Variants in DNAH8 observed in about 807,000 individuals in gnomAD.
DNAH8 encodes the protein axonemal beta dynein heavy chain 8.
A neutral mutation model predicts 562.1 loss-of-function variants in DNAH8; 382 were observed. That is an observed-to-expected ratio of 0.68 (90% CI 0.63 to 0.74). The LOEUF is 0.74. DNAH8 is among the 30% of genes least tolerant of loss of function. DNAH8 has a pLI of 0.00. For synonymous variants in DNAH8, 1,881 were observed against 1,919.4 expected, an observed-to-expected ratio of 0.98 and a Z score of 0.52; for missense variants, 5,203 against 5,620.4, an observed-to-expected ratio of 0.93 and a Z score of 2.37.
intron 88 of DNAH8, among the ~76,000 whole-genome samples, chr6:38,995,416 T>C (rs528889601): frequency 6.6e-6 from 1 of 152,358 alleles, no homozygotes; most frequent in South Asian, 2.1e-4. Context: ...ATGTTATATT[T>C]GCTTTGTAAA....
intron 79 of DNAH8, among the ~76,000 whole-genome samples, chr6:38,940,379 T>C (rs978894959): frequency 2.0e-5 from 3 of 151,594 alleles, no homozygotes; most frequent in African/African-American, 7.3e-5. Context: ...GGAAGAGGAG[T>C]TGGTTTGAGG....
chr6:38,857,219 C>T (rs906756045), intron 41 of DNAH8, among the ~76,000 whole-genome samples: 3 of 152,154 alleles, frequency 2.0e-5, no homozygotes, highest in Admixed American at 1.3e-4. Flanking sequence ...AAAGAAAAAT[C>T]GTTGCATGGA....
intron 28 of DNAH8, among the ~76,000 whole-genome samples, chr6:38,824,913 G>T (rs1773178231): frequency 6.6e-6 from 1 of 152,122 alleles, no homozygotes; most frequent in African/African-American, 2.4e-5. Flanking sequence ...CAGAAACTAT[G>T]CATCAGTGGC....
chr6:38,799,937 A>T (rs1312788333), intron 21 of DNAH8, among the ~76,000 whole-genome samples: 1 of 152,184 alleles, frequency 6.6e-6, no homozygotes, highest in Non-Finnish European at 1.5e-5. Context: ...ATATATCAGA[A>T]CTTAATTTCT....
In DNAH8 at chr6:38,737,961, CAG is replaced by C; in HGVS notation, c.1107_1108del (p.Gln369HisfsTer7). 6.2e-7 allele frequency: 1 copy of C among 1,610,752 alleles called. No individual in the cohort carries two copies. Among genetic ancestry groups the C allele is most frequent in the South Asian group, 1.1e-5 (1 of 90,902 alleles). ...GGAAGTGCTGATGGTATGGTACAAA[CAG>C]ATCGAACAGGTGAATTGACTCAAAC... is the stretch of plus-strand genomic sequence containing the variant. Reference protein sequence around the residue: ...LEEVLMVWYKQIEQVLIESEQ... With the variant: ...LEEVLMVWYKXIEQVLIESEQ... On this transcript the variant is annotated frameshift_variant, in exon 7 of 93. Coordinates refer to ENST00000327475, the MANE Select transcript of DNAH8 (RefSeq NM_001206927.2). LOFTEE classifies it high-confidence loss of function.
chr6:38,770,651 T>G, intron 12 of DNAH8, 92 bp downstream of exon 12: 5 of 1,205,864 alleles, frequency 4.1e-6, no homozygotes, highest in Non-Finnish European at 5.6e-6. Flanking sequence ...TTATTGTTCC[T>G]GATCTCTTGT....
intron 15 of DNAH8, among the ~76,000 whole-genome samples, 185 bp from the exon 16 acceptor site, chr6:38,781,069 C>T (rs1429432928): frequency 2.0e-5 from 3 of 152,066 alleles, no homozygotes; most frequent in Admixed American, 6.5e-5. Flanking sequence ...AATTAAGTGT[C>T]GTATATGGTC....
chr6:38,910,267 T>C (rs1780789576), intron 65 of DNAH8, among the ~76,000 whole-genome samples: 2 of 152,204 alleles, frequency 1.3e-5, no homozygotes, highest in Admixed American at 6.5e-5. Flanking sequence ...CAATGGCATG[T>C]TCATTATGTG....
chr6:38,904,792 CAA>C (rs759782655), intron 62 of DNAH8, among the ~76,000 whole-genome samples: 1 of 86,396 alleles, frequency 1.2e-5, no homozygotes. Context: ...AACTCCGTCT[CAA>C]AAAAAAAAAA....
chr6:38,747,631 C>T (rs778085503), intron 8 of DNAH8, among the ~76,000 whole-genome samples: 8 of 152,112 alleles, frequency 5.3e-5, no homozygotes, highest in East Asian at 1.9e-4. Flanking sequence ...GTGATCTGCC[C>T]GCCTTGGCTG....
At chr6:38,811,681 G>C (rs1771807950) in intron 24 of DNAH8, among the ~76,000 whole-genome samples, 1 of 152,116 alleles carries the variant, frequency 6.6e-6, no homozygotes, top group Admixed American at 6.6e-5. Context: ...GTGAGTTTCT[G>C]TTTCGTTTTT....
At chr6:38,795,508 A>G (rs530262093) in intron 21 of DNAH8, among the ~76,000 whole-genome samples, 1 of 147,692 alleles carries the variant, frequency 6.8e-6, no homozygotes, top group East Asian at 2.3e-4. Flanking sequence ...TGAACCCAGG[A>G]GGCGGAGCTT....
intron 24 of DNAH8, among the ~76,000 whole-genome samples, chr6:38,812,738 GA>G (rs11308148): frequency 0.3 from 44,762 of 148,380 alleles, 6,845 homozygotes; most frequent in Admixed American, 0.38. Context: ...TCTTGAAGAT[GA>G]AAAAAAAAAG....
intron 88 of DNAH8, among the ~76,000 whole-genome samples, chr6:39,006,842 T>G (rs888601522): frequency 6.6e-6 from 1 of 152,192 alleles, no homozygotes; most frequent in South Asian, 2.1e-4. Context: ...CAGGTGGAGG[T>G]TACTTTCTAG....
At chr6:38,859,945 G>A (rs1563020645) in intron 42 of DNAH8, among the ~76,000 whole-genome samples, 5 of 152,106 alleles carry the variant, frequency 3.3e-5, no homozygotes, top group Admixed American at 3.3e-4. Context: ...TCTAGATCCC[G>A]GGATGCCCCT....
At position 38,787,049 on chromosome 6, in the gene DNAH8, G is replaced by T. The variant is rs938593338; in HGVS notation, c.2583+97G>T. ...TATATCCCTGCAGTTATGCTTCATGGCATTGAGGGAAAATTTGTTAATATG... is the reference window on the plus strand; with the variant it reads ...TATATCCCTGCAGTTATGCTTCATGTCATTGAGGGAAAATTTGTTAATATG... On this transcript the variant is annotated intron_variant, in intron 18 of 92. Coordinates refer to ENST00000327475, the MANE Select transcript of DNAH8 (RefSeq NM_001206927.2). The T allele has an allele frequency of 1.1e-5, 7 of 641,160 alleles. No individual in the cohort carries two copies. In the African/African-American group the frequency reaches 1.3e-4, roughly 12 times the overall value. 39.7% of individuals were successfully genotyped at this position (641,160 alleles called of 1,614,324 possible).
intron 82 of DNAH8, among the ~76,000 whole-genome samples, chr6:38,970,488 C>T (rs1256998886): frequency 1.3e-5 from 2 of 152,208 alleles, no homozygotes; most frequent in East Asian, 3.8e-4. Flanking sequence ...CTTCCATCCT[C>T]CTTCAGGCTC....
intron 4 of DNAH8, among the ~76,000 whole-genome samples, chr6:38,730,833 T>C (rs975453508): frequency 2.0e-5 from 3 of 152,208 alleles, no homozygotes; most frequent in African/African-American, 4.8e-5. Context: ...GTTTTCTGCA[T>C]ACTAGAGTTA....
At chr6:38,739,176 A>C (rs1307235693) in intron 7 of DNAH8, among the ~76,000 whole-genome samples, 1 of 152,114 alleles carries the variant, frequency 6.6e-6, no homozygotes, top group Non-Finnish European at 1.5e-5. Context: ...TGGAGGTTAA[A>C]TAATATTTTC....
Sources: allele counts gnomAD v4.1 joint callset (sites outside exome capture counted in the v4.1 genomes callset), GRCh38; gene constraint gnomAD v4.1.1; transcripts MANE v1.5; gene names NCBI Gene and HGNC (gene_info 2026-07-23, HGNC 2026-07-21).